Variants in STX12 observed in about 807,000 individuals in gnomAD.
STX12 encodes syntaxin-12.
A neutral mutation model predicts 42.2 loss-of-function variants in STX12; 17 were observed. The ratio of observed to expected loss-of-function variants is 0.40; its 90% CI spans 0.28 to 0.60. The LOEUF is 0.60. Ranked by LOEUF, STX12 falls within the 20% of genes least tolerant of loss-of-function variation. The pLI is 0.39. For synonymous variants in STX12, 108 were observed against 116.7 expected (o/e 0.93, Z 0.48); for missense variants, 297 against 330.9 (o/e 0.90, Z 0.79).
Position 27,792,186 on chromosome 1 carries a change from C to CTA in STX12, c.189-1341_189-1340dup, listed in dbSNP as rs1417229682. Among the ~76,000 whole-genome samples, 485 of 94,644 alleles carry CTA rather than the reference C, an allele frequency of 5.1e-3. 53 individuals carry two copies. Among genetic ancestry groups the CTA allele is most frequent in the African/African-American group, 0.048 (440 of 9,112 alleles). The allele number at this position is 94,644 out of a possible 152,430, so 62.1% of individuals were successfully genotyped here. ...TATATGTATATACATATATATGTAT[C>CTA]TATATATGTATATACATATATATGT... On this transcript the variant is annotated intron_variant, in intron 2 of 8. Coordinates refer to ENST00000373943, the MANE Select transcript of STX12 (RefSeq NM_177424.3).
At chr1:27,821,819 T>G (rs2088986424) in intron 8 of STX12, among the ~76,000 whole-genome samples, 1 of 151,900 alleles carries the variant, frequency 6.6e-6, no homozygotes, top group African/African-American at 2.4e-5. Context: ...GAGTTCGAGA[T>G]CAGCCTGGCC....
chr1:27,777,931 T>C (rs2088638302), intron 1 of STX12, among the ~76,000 whole-genome samples: 1 of 152,008 alleles, frequency 6.6e-6, no homozygotes, highest in Non-Finnish European at 1.5e-5. Context: ...TGGAATTGTT[T>C]GGTGAGAAAT....
At chr1:27,796,401 C>T (rs1181713385) in intron 3 of STX12, among the ~76,000 whole-genome samples, 1 of 152,094 alleles carries the variant, frequency 6.6e-6, no homozygotes, top group Non-Finnish European at 1.5e-5. Flanking sequence ...TTGTTTGAGA[C>T]AGGGTCTCAC....
chr1:27,819,209 C>T (rs1036847268), intron 7 of STX12, among the ~76,000 whole-genome samples: 2 of 143,070 alleles, frequency 1.4e-5, no homozygotes, highest in African/African-American at 2.7e-5. Flanking sequence ...TTGGAGGCTA[C>T]GGTGAACTAT....
At chr1:27,807,227 T>A (rs573318562) in intron 4 of STX12, among the ~76,000 whole-genome samples, 2 of 152,284 alleles carry the variant, frequency 1.3e-5, no homozygotes, top group East Asian at 3.9e-4. Context: ...ACTCTTTTAG[T>A]TATTTTTGAA....
intron 5 of STX12, among the ~76,000 whole-genome samples, chr1:27,810,730 T>C (rs1036288703): frequency 2.0e-5 from 3 of 152,196 alleles, no homozygotes; most frequent in South Asian, 2.1e-4. Context: ...CTGAATGATG[T>C]TCTTAACTTC....
intron 3 of STX12, among the ~76,000 whole-genome samples, chr1:27,800,678 C>T (rs564720384): frequency 6.6e-6 from 1 of 151,912 alleles, no homozygotes; most frequent in East Asian, 1.9e-4. Flanking sequence ...ACCACCACGC[C>T]CGGCTAATTT....
At chr1:27,808,311 TTTTATTTA>T (rs34435449) in intron 4 of STX12, among the ~76,000 whole-genome samples, 5,461 of 144,188 alleles carry the variant, frequency 0.038, 280 homozygotes, top group African/African-American at 0.11. Flanking sequence ...TTGCTTTGTT[TTTTATTTA>T]TTTATTTATT....
At chr1:27,775,432 C>T (rs774394161) in intron 1 of STX12, among the ~76,000 whole-genome samples, 12 of 152,020 alleles carry the variant, frequency 7.9e-5, no homozygotes, top group Non-Finnish European at 1.6e-4. Context: ...CCACCACGCC[C>T]GGCTAATTTT....
At chr1:27,808,206 G>T (rs11589689) in intron 4 of STX12, among the ~76,000 whole-genome samples, 102 of 152,078 alleles carry the variant, frequency 6.7e-4, no homozygotes, top group Non-Finnish European at 9.7e-4. Flanking sequence ...TGAGTGGATA[G>T]AAATTTGAAA....
chr1:27,814,923 T>TA lies in STX12; in HGVS notation c.576+2663dup, dbSNP rs1327717714. Among the ~76,000 whole-genome samples, 40 of 151,478 alleles carry TA rather than the reference T, an allele frequency of 2.6e-4. No individual in the cohort carries two copies. In the East Asian group the frequency reaches 5.0e-3, roughly 19 times the overall value. ...CAAGCAACCGTGGAGTGAAAATATT[T>TA]AAAAAAAACTAAAAAATAATACAAC... On this transcript the variant is annotated intron_variant, in intron 6 of 8. Coordinates refer to ENST00000373943, the MANE Select transcript of STX12 (RefSeq NM_177424.3).
In STX12 at chr1:27,817,886, T is replaced by G; in HGVS notation, c.612T>G (p.Asp204Glu). Reference protein sequence around the residue: ...DILDVNQIFKDLAMMIHDQGD... With the variant: ...DILDVNQIFKELAMMIHDQGD... Reference sequence around the variant, plus strand: ...TGGATGTCAATCAGATATTTAAAGATTTGGCCATGATGATCCATGACCAGG... The same window carrying G: ...TGGATGTCAATCAGATATTTAAAGAGTTGGCCATGATGATCCATGACCAGG... Residue 204 changes from aspartate to glutamate, a missense_variant, in exon 7 of 9, where the codon GAT becomes GAG. Transcript: ENST00000373943. The G allele has an allele frequency of 6.2e-7, 1 of 1,614,084 alleles. No homozygotes were observed. The highest frequency in any genetic ancestry group is 8.5e-7 in the Non-Finnish European group (1 of 1,180,000).
At chr1:27,820,943 A>T (rs1472648594) in intron 8 of STX12, among the ~76,000 whole-genome samples, 2 of 150,254 alleles carry the variant, frequency 1.3e-5, no homozygotes, top group East Asian at 4.0e-4. Context: ...CAAACACTGC[A>T]TATTCTCACT....
At chr1:27,796,108 G>T (rs2088784287) in intron 3 of STX12, among the ~76,000 whole-genome samples, 1 of 152,166 alleles carries the variant, frequency 6.6e-6, no homozygotes, top group Admixed American at 6.5e-5. Context: ...GCATGCTGTT[G>T]TTCCTTTCCA....
intron 3 of STX12, among the ~76,000 whole-genome samples, chr1:27,794,253 G>C (rs1238919690): frequency 6.6e-6 from 1 of 152,058 alleles, no homozygotes; most frequent in Non-Finnish European, 1.5e-5. Flanking sequence ...TATTGAACTT[G>C]TGACTTCAAG....
At chr1:27,794,682 C>A (rs1029041602) in intron 3 of STX12, among the ~76,000 whole-genome samples, 2 of 152,120 alleles carry the variant, frequency 1.3e-5, no homozygotes, top group African/African-American at 2.4e-5. Context: ...TTGCTTTTAG[C>A]TTCTATACCA....
In STX12 at chr1:27,822,495, A is replaced by G; in HGVS notation, c.*166A>G. 5.9e-6 allele frequency: 3 copies of G among 511,962 alleles called. No homozygotes were observed. The South Asian group carries it at 9.5e-5, about 16-fold the overall frequency. The allele number at this position is 511,962 out of a possible 1,614,324, so 31.7% of individuals were successfully genotyped here. A position where few individuals can be genotyped will look rare whatever the true frequency, so the allele number is the denominator to read the frequency against. On this transcript the variant is annotated 3_prime_UTR_variant, in exon 9 of 9. Transcript: ENST00000373943. ...TCTTTGGAATTCGTGACCTATGGAG[A>G]CAGTAATTATCAATTTATTGATTCT...
Position 27,773,291 on chromosome 1 carries a change from G to A in STX12, c.-17G>A, listed in dbSNP as rs752548237. ...GTAGGAGAGCGGTGTAGAGCGAGCA[G>A]GTCTCAGCTCCTCGTCATGTCATAC... On this transcript the variant is annotated 5_prime_UTR_variant, in exon 1 of 9. Coordinates refer to ENST00000373943, the MANE Select transcript of STX12 (RefSeq NM_177424.3). The A allele has an allele frequency of 7.7e-6, 12 of 1,557,666 alleles. No homozygotes were observed. The highest frequency in any genetic ancestry group is 7.9e-6 in the Non-Finnish European group (9 of 1,136,142).
intron 4 of STX12, among the ~76,000 whole-genome samples, chr1:27,808,308 GTTTT>G (rs1204192436): frequency 3.9e-4 from 57 of 145,822 alleles, no homozygotes; most frequent in African/African-American, 1.3e-3. Flanking sequence ...TTTTTGCTTT[GTTTT>G]TTATTTATTT....
Sources: gnomAD v4.1 joint callset for allele counts (sites outside exome capture counted in the v4.1 genomes callset) on GRCh38, gnomAD v4.1.1 for gene constraint, MANE v1.5 for transcripts, NCBI Gene and HGNC (gene_info 2026-07-23, HGNC 2026-07-21) for gene names.